Variants in NFX1 observed in about 807,000 individuals in gnomAD.
NFX1 encodes transcriptional repressor NF-X1.
NFX1 carries 69 observed loss-of-function variants against 137.2 expected under a neutral mutation model. The ratio of observed to expected loss-of-function variants is 0.50; its 90% CI spans 0.41 to 0.61. The LOEUF (loss-of-function observed/expected upper bound fraction) is 0.61. Among genes scored for constraint, NFX1 ranks in the 20% least tolerant of loss-of-function variants. The pLI is 0.00. For synonymous variants in NFX1, 495 were observed against 474.1 expected (o/e 1.04, Z -0.57); for missense variants, 1,167 against 1,391.0 (o/e 0.84, Z 2.56).
rs139304421 is a variant in NFX1, at chr9:33,368,362, T to A, written c.3290+743T>A. Among the ~76,000 whole-genome samples the A allele has an allele frequency of 2.6e-3, 392 of 152,338 alleles. 2 individuals carry two copies. Among genetic ancestry groups the A allele is most frequent in the African/African-American group, 9.0e-3 (375 of 41,568 alleles). Reference sequence around the variant, plus strand: ...TTCTATATGGTTTGAATAATTTTTATAACAAACATATTCATGATTTAAAGA... The same window carrying A: ...TTCTATATGGTTTGAATAATTTTTAAAACAAACATATTCATGATTTAAAGA... On this transcript the variant is annotated intron_variant, in intron 23 of 23. Transcript: ENST00000379540.
At chr9:33,336,196 C>G (rs1822995740) in intron 11 of NFX1, among the ~76,000 whole-genome samples, 1 of 152,062 alleles carries the variant, frequency 6.6e-6, no homozygotes, top group East Asian at 1.9e-4. Context: ...CTTGCCAATA[C>G]TTGTTATTTT....
chr9:33,356,479 G>A (rs1015289697), intron 19 of NFX1, among the ~76,000 whole-genome samples: 3 of 151,812 alleles, frequency 2.0e-5, no homozygotes, highest in African/African-American at 7.3e-5. Context: ...AACTCTTGTT[G>A]TCTTTTGATA....
intron 11 of NFX1, among the ~76,000 whole-genome samples, chr9:33,336,256 C>T (rs1822998554): frequency 6.6e-6 from 1 of 152,102 alleles, no homozygotes; most frequent in South Asian, 2.1e-4. Flanking sequence ...CACTCTGTTG[C>T]CCAGGCTGGA....
At chr9:33,307,124 T>C (rs1175779046) in intron 4 of NFX1, 70 bp from the exon 5 acceptor site, 3 of 1,234,706 alleles carry the variant, frequency 2.4e-6, no homozygotes, top group Non-Finnish European at 2.4e-6. Context: ...AGCTATACTT[T>C]ACTGTTTCAT....
intron 1 of NFX1, among the ~76,000 whole-genome samples, chr9:33,291,123 T>A (rs1250760466): frequency 6.6e-6 from 1 of 152,226 alleles, no homozygotes; most frequent in Admixed American, 6.5e-5. Flanking sequence ...CGCCCTGTAC[T>A]GTACCTATTC....
intron 13 of NFX1, among the ~76,000 whole-genome samples, chr9:33,343,388 A>C (rs1262452971): frequency 2.0e-5 from 3 of 152,198 alleles, no homozygotes; most frequent in African/African-American, 7.2e-5. Flanking sequence ...AAAGTAGAAT[A>C]GCGGATACTT....
rs1488798324 is a variant in NFX1 at position 33,351,547 on chromosome 9, C to T, written c.2425-13C>T. The T allele has an allele frequency of 1.3e-5, 21 of 1,612,608 alleles. No individual in the cohort carries two copies. Among genetic ancestry groups the T allele is most frequent in the Non-Finnish European group, 1.8e-5 (21 of 1,178,710 alleles). On this transcript the variant is annotated splice_polypyrimidine_tract_variant and intron_variant, in intron 15 of 23. Transcript: ENST00000379540. ...CATGGAGATGAGAATCTGGCTACTT[C>T]TGTCTCTCCTAGTTTCGGAGCAACA...
At chr9:33,362,885 G>A (rs1824045366) in intron 19 of NFX1, among the ~76,000 whole-genome samples, 1 of 151,812 alleles carries the variant, frequency 6.6e-6, no homozygotes, top group African/African-American at 2.4e-5. Context: ...TGTGTTTTTA[G>A]TAGAGACGAG....
At position 33,290,581 on chromosome 9, in the gene NFX1, G is replaced by C. The variant is rs369206112; in HGVS notation, c.9G>C (p.Glu3Asp). MA[E>D]APPVSGTFKF... ...AGGTTCTGCGGCACGGGATGGCGGAGGCGCCTCCTGTCTCAGGTATTGTCC... is the reference window on the plus strand; with the variant it reads ...AGGTTCTGCGGCACGGGATGGCGGACGCGCCTCCTGTCTCAGGTATTGTCC... Residue 3 changes from glutamate (E) to aspartate (D), a missense_variant, in exon 1 of 24, where the codon GAG becomes GAC. Coordinates refer to ENST00000379540, the MANE Select transcript of NFX1 (RefSeq NM_002504.6). The C allele has an allele frequency of 2.5e-6, 4 of 1,613,988 alleles. No individual in the cohort carries two copies. The highest frequency in any genetic ancestry group is 3.4e-6 in the Non-Finnish European group (4 of 1,179,986).
intron 7 of NFX1, among the ~76,000 whole-genome samples, chr9:33,317,496 A>T (rs905906206): frequency 6.6e-6 from 1 of 151,428 alleles, no homozygotes; most frequent in African/African-American, 2.4e-5. Flanking sequence ...TGTGTATTTT[A>T]AAAATAAAGA....
chr9:33,318,237 C>T (rs1005995557), intron 7 of NFX1, among the ~76,000 whole-genome samples: 2 of 151,984 alleles, frequency 1.3e-5, no homozygotes, highest in African/African-American at 2.4e-5. Context: ...TTATGTAAAA[C>T]CTGACATAAA....
intron 19 of NFX1, among the ~76,000 whole-genome samples, chr9:33,361,637 G>T (rs2118683791): frequency 6.6e-6 from 1 of 152,100 alleles, no homozygotes; most frequent in Non-Finnish European, 1.5e-5. Context: ...GCTGGGCATG[G>T]TTGCGGGCGC....
At chr9:33,311,283 G>A in intron 6 of NFX1, 106 bp downstream of exon 6, 2 of 1,015,164 alleles carry the variant, frequency 2.0e-6, no homozygotes, top group South Asian at 1.4e-5. Context: ...ATAAATGGTA[G>A]GCATGAATAG....
chr9:33,323,682 G>T (rs991639157), intron 9 of NFX1, among the ~76,000 whole-genome samples: 5 of 152,004 alleles, frequency 3.3e-5, no homozygotes, highest in Non-Finnish European at 7.4e-5. Context: ...GAACCCAGGA[G>T]GCAGAGGTTG....
intron 19 of NFX1, among the ~76,000 whole-genome samples, chr9:33,359,865 ATTTG>A (rs761966431): frequency 9.2e-5 from 14 of 152,208 alleles, no homozygotes; most frequent in Non-Finnish European, 1.8e-4. Flanking sequence ...TGTCTTTGAA[ATTTG>A]TTTAAGATAA....
intron 16 of NFX1, 154 bp from the exon 17 acceptor site, chr9:33,352,492 T>C: frequency 2.8e-6 from 2 of 715,106 alleles, no homozygotes; most frequent in Middle Eastern, 2.3e-4. Context: ...CTGTGTCAGT[T>C]TGCATGTGTG....
intron 11 of NFX1, among the ~76,000 whole-genome samples, chr9:33,335,227 C>CTTTTTTTTTTT (rs57459026): frequency 1.2e-4 from 16 of 130,502 alleles, no homozygotes; most frequent in African/African-American, 3.2e-4. Flanking sequence ...CTTTCTTTTT[C>CTTTTTTTTTTT]TTTTTTTTTT....
intron 19 of NFX1, among the ~76,000 whole-genome samples, chr9:33,358,362 G>A (rs1823880893): frequency 6.6e-6 from 1 of 152,068 alleles, no homozygotes; most frequent in Admixed American, 6.6e-5. Flanking sequence ...CTGACCTTAT[G>A]ATCTGCCCGC....
chr9:33,308,534 A>G (rs1251035526), intron 5 of NFX1, among the ~76,000 whole-genome samples: 1 of 152,236 alleles, frequency 6.6e-6, no homozygotes, highest in Non-Finnish European at 1.5e-5. Flanking sequence ...TTGATCAGTT[A>G]CAAATAAATT....
Sources: gnomAD v4.1 joint callset for allele counts (sites outside exome capture counted in the v4.1 genomes callset) on GRCh38, gnomAD v4.1.1 for gene constraint, MANE v1.5 for transcripts, NCBI Gene and HGNC (gene_info 2026-07-23, HGNC 2026-07-21) for gene names.